The following GRM5 variants were observed in gnomAD, a reference collection of about 807,000 sequenced individuals.
GRM5 encodes metabotropic glutamate receptor 5.
In GRM5, 19 loss-of-function variants were observed where a neutral mutation model predicts 83.1. That is an observed-to-expected ratio of 0.23 (90% confidence interval 0.16 to 0.34). The LOEUF (loss-of-function observed/expected upper bound fraction) is 0.34. Among genes scored for constraint, GRM5 ranks in the 10% least tolerant of loss-of-function variants. GRM5 has a pLI of 1.00. For missense variants in GRM5, 1,160 were observed against 1,588.3 expected, an observed-to-expected ratio of 0.73 and a Z score of 4.58; for synonymous variants, 675 against 633.6, an observed-to-expected ratio of 1.07 and a Z score of -0.98.
At position 89,009,909 on chromosome 11, in the gene GRM5, A is replaced by AC. The variant is rs1458619133; in HGVS notation, c.661+37302_661+37303insG. Among the ~76,000 whole-genome samples, 5 of 131,784 alleles carry AC rather than the reference A, an allele frequency of 3.8e-5. 1 individual carries two copies. The highest frequency in any genetic ancestry group is 1.8e-4 in the African/African-American group (5 of 28,248). The allele number at this position is 131,784 out of a possible 152,430, so 86.5% of individuals were successfully genotyped here. ...GAGCGAGACTCCGTCTCAAAAAAAA[A>AC]AAAAAAAAAAAAAAAAAAAAACACA... On this transcript the variant is annotated intron_variant, in intron 2 of 9. Coordinates refer to ENST00000305447, the MANE Select transcript of GRM5 (RefSeq NM_001143831.3).
At position 88,507,553 on chromosome 11, in the gene GRM5, G is replaced by A. The variant is rs1312107199; in HGVS notation, c.*1039C>T. On this transcript the variant is annotated 3_prime_UTR_variant, in exon 10 of 10. Transcript: ENST00000305447. ...GACCACTCTTCCAGTGGTGGGACTCGAAAAGAACAAAGGAGCTCTTTGTGC... is the reference window on the plus strand; with the variant it reads ...GACCACTCTTCCAGTGGTGGGACTCAAAAAGAACAAAGGAGCTCTTTGTGC... The A allele has an allele frequency of 6.6e-6, 1 of 152,146 alleles. No individual in the cohort carries two copies. Among genetic ancestry groups the A allele is most frequent in the African/African-American group, 2.4e-5 (1 of 41,412 alleles). 9.4% of individuals were successfully genotyped at this position (152,146 alleles called of 1,614,324 possible). A position where few individuals can be genotyped will look rare whatever the true frequency, so the allele number is the denominator to read the frequency against.
chr11:88,986,352 G>A (rs1939709589), intron 2 of GRM5, among the ~76,000 whole-genome samples: 2 of 152,166 alleles, frequency 1.3e-5, no homozygotes, highest in Non-Finnish European at 2.9e-5. Flanking sequence ...AGAGAAAATG[G>A]AGGAAGTGGT....
intron 3 of GRM5, among the ~76,000 whole-genome samples, chr11:88,659,231 C>G (rs908226313): frequency 6.6e-5 from 10 of 152,028 alleles, no homozygotes; most frequent in Admixed American, 2.6e-4. Flanking sequence ...CTAGGCTGGA[C>G]AGTATTGGAA....
chr11:88,998,139 G>A (rs1361642010), intron 2 of GRM5, among the ~76,000 whole-genome samples: 2 of 149,470 alleles, frequency 1.3e-5, no homozygotes, highest in East Asian at 4.0e-4. Flanking sequence ...AGAGGGGGAG[G>A]GAGGGAGAAA....
intron 2 of GRM5, among the ~76,000 whole-genome samples, chr11:88,988,066 T>C (rs1939798928): frequency 6.7e-6 from 1 of 150,166 alleles, no homozygotes; most frequent in African/African-American, 2.5e-5. Context: ...TACTCTGAGC[T>C]ACGGGAGGAC....
In GRM5 at chr11:88,858,155, A is replaced by G. The variant is rs557303807; in HGVS notation, c.662-8000T>C. Among the ~76,000 whole-genome samples the G allele has an allele frequency of 7.8e-4, 119 of 152,138 alleles. 1 individual carries two copies. In the South Asian group the frequency reaches 8.7e-3, roughly 11 times the overall value. On this transcript the variant is annotated intron_variant, in intron 2 of 9. Coordinates refer to ENST00000305447, the MANE Select transcript of GRM5 (RefSeq NM_001143831.3). ...TTATTGAATCTCATCCAAGGTGTTT[A>G]TTATTGGAAGTACCAGAAGGATCTC...
intron 3 of GRM5, among the ~76,000 whole-genome samples, chr11:88,781,728 T>A (rs79350702): frequency 6.8e-4 from 103 of 152,300 alleles, no homozygotes; most frequent in African/African-American, 2.4e-3. Context: ...AAGACATTAA[T>A]GTGCTGACCA....
intron 2 of GRM5, among the ~76,000 whole-genome samples, chr11:88,955,060 C>G: frequency 6.6e-6 from 1 of 152,260 alleles, no homozygotes; most frequent in African/African-American, 2.4e-5. Context: ...AACGCTTTCA[C>G]GTGTTTTTTT....
chr11:88,609,357 A>T (rs1336581176), intron 4 of GRM5, among the ~76,000 whole-genome samples: 1 of 152,150 alleles, frequency 6.6e-6, no homozygotes, highest in East Asian at 1.9e-4. Flanking sequence ...CATGGTGTAT[A>T]TGTACCATGG....
intron 4 of GRM5, among the ~76,000 whole-genome samples, chr11:88,632,004 T>G (rs1289590499): frequency 1.3e-5 from 2 of 152,128 alleles, no homozygotes; most frequent in Non-Finnish European, 2.9e-5. Flanking sequence ...ACTATTGACA[T>G]AGAATAAACT....
At chr11:88,647,234 T>A (rs1169550664) in intron 4 of GRM5, among the ~76,000 whole-genome samples, 1 of 152,044 alleles carries the variant, frequency 6.6e-6, no homozygotes, top group Non-Finnish European at 1.5e-5. Context: ...TAGTTATACT[T>A]GCAATGAGCC....
At chr11:88,967,479 G>A (rs530034220) in intron 2 of GRM5, among the ~76,000 whole-genome samples, 8 of 151,896 alleles carry the variant, frequency 5.3e-5, no homozygotes, top group African/African-American at 1.7e-4. Context: ...CTAGCAAGTC[G>A]TTCTTGCCAT....
intron 2 of GRM5, among the ~76,000 whole-genome samples, chr11:88,910,788 G>T (rs748262152): frequency 6.6e-6 from 1 of 151,942 alleles, no homozygotes; most frequent in African/African-American, 2.4e-5. Context: ...GTCTATTCAC[G>T]TCAATATATA....
At chr11:88,654,661 C>T (rs1052912140) in intron 3 of GRM5, among the ~76,000 whole-genome samples, 2 of 151,946 alleles carry the variant, frequency 1.3e-5, no homozygotes, top group African/African-American at 4.8e-5. Context: ...GGGGAGAGGA[C>T]GTGGGAAGAG....
intron 3 of GRM5, among the ~76,000 whole-genome samples, chr11:88,731,733 T>A (rs1237981793): frequency 6.6e-6 from 1 of 152,012 alleles, no homozygotes; most frequent in Non-Finnish European, 1.5e-5. Context: ...AAGATCAAGG[T>A]AAACCAGTAT....
rs1202008805 is a variant in GRM5 at position 88,889,072 on chromosome 11, C to A, written c.662-38917G>T. Among the ~76,000 whole-genome samples, 3 of 152,138 alleles carry A rather than the reference C, an allele frequency of 2.0e-5. No individual in the cohort carries two copies. In the East Asian group the frequency reaches 5.8e-4, roughly 29 times the overall value. ...AGCCAGTTTGTCAATAAGGGAGCTG[C>A]CAGCTGATTGATCAAGGGCAGGGTT... On this transcript the variant is annotated intron_variant, in intron 2 of 9. Coordinates refer to ENST00000305447, the MANE Select transcript of GRM5 (RefSeq NM_001143831.3).
intron 3 of GRM5, among the ~76,000 whole-genome samples, chr11:88,811,141 C>G (rs945938651): frequency 1.3e-5 from 2 of 151,924 alleles, no homozygotes; most frequent in Non-Finnish European, 2.9e-5. Flanking sequence ...CTTAACAACA[C>G]TGGGGGGTGG....
At chr11:89,019,049 T>A (rs1434385947) in intron 2 of GRM5, among the ~76,000 whole-genome samples, 2 of 152,150 alleles carry the variant, frequency 1.3e-5, no homozygotes, top group Non-Finnish European at 2.9e-5. Flanking sequence ...CCACACTAGA[T>A]TTAGTTGTCC....
intron 2 of GRM5, among the ~76,000 whole-genome samples, chr11:88,862,992 C>A (rs2135552774): frequency 6.6e-6 from 1 of 152,134 alleles, no homozygotes; most frequent in East Asian, 1.9e-4. Flanking sequence ...ATTTATGCAG[C>A]CAACAAAGAT....
Sources: allele counts gnomAD v4.1 joint callset (sites outside exome capture counted in the v4.1 genomes callset), GRCh38; gene constraint gnomAD v4.1.1; transcripts MANE v1.5; gene names NCBI Gene and HGNC (gene_info 2026-07-23, HGNC 2026-07-21).